TF: variants seen among roughly 807,000 people sequenced by gnomAD.
The protein encoded by TF is transferrin.
TF carries 55 observed loss-of-function variants against 82.4 expected under a neutral mutation model. That is an observed-to-expected ratio of 0.67 (90% CI 0.54 to 0.84). The LOEUF is 0.84. Among genes scored for constraint, TF ranks in the 40% least tolerant of loss-of-function variants. TF has a pLI of 0.00. For synonymous variants in TF, 332 were observed against 332.6 expected, an observed-to-expected ratio of 1.00 and a Z score of 0.02; for missense variants, 737 against 868.4, an observed-to-expected ratio of 0.85 and a Z score of 1.90.
rs567384750 is a variant in TF at position 133,796,441 on chromosome 3, A to C, written c.*17821A>C. 1.3e-5 allele frequency: 2 copies of C among 152,444 alleles called. No homozygotes were observed. The highest frequency in any genetic ancestry group is 1.3e-4 in the Admixed American group (2 of 15,306). 9.4% of individuals were successfully genotyped at this position (152,444 alleles called of 1,614,324 possible). A position where few individuals can be genotyped will look rare whatever the true frequency, so the allele number is the denominator to read the frequency against. On this transcript the variant is annotated 3_prime_UTR_variant, in exon 17 of 17. Transcript: ENST00000402696. ...CATGCTCACTTCCTAGAACTAAATC[A>C]AATGGAAACACTTCAGCTATGATGG...
the TF span, among the ~76,000 whole-genome samples, chr3:133,698,370 C>T: frequency 2.6e-5 from 4 of 152,370 alleles, no homozygotes; most frequent in African/African-American, 9.6e-5. Flanking sequence ...TCTAGGACTG[C>T]TGTAGCAAAG....
chr3:133,762,118 T>C (rs903088779), intron 9 of TF: 3 of 213,882 alleles, frequency 1.4e-5, no homozygotes, highest in Non-Finnish European at 3.1e-5. Context: ...TTACAGATGA[T>C]CGATCATAAA....
the TF span, among the ~76,000 whole-genome samples, chr3:133,703,100 T>C: frequency 1.3e-5 from 2 of 152,222 alleles, no homozygotes; most frequent in South Asian, 2.1e-4. Context: ...GTGTTTATAT[T>C]TGAGTTATTT....
At chr3:133,766,461 G>C in intron 12 of TF, 28 bp downstream of exon 12, 1 of 1,613,984 alleles carries the variant, frequency 6.2e-7, no homozygotes, top group Non-Finnish European at 8.5e-7. Flanking sequence ...AGGAGGGCTG[G>C]TGAGGGCCAT....
the TF span, among the ~76,000 whole-genome samples, chr3:133,734,111 G>A: frequency 6.6e-6 from 1 of 152,176 alleles, no homozygotes; most frequent in South Asian, 2.1e-4. Context: ...GTGCTGTTCA[G>A]TTGGAATTGA....
rs1316684425 is a variant in TF, at chr3:133,781,826, A to G, written c.*3206A>G. 1 of 152,236 alleles carries G rather than the reference A, an allele frequency of 6.6e-6. No homozygotes were observed. Among genetic ancestry groups the G allele is most frequent in the East Asian group, 1.9e-4 (1 of 5,206 alleles). The allele number at this position is 152,236 out of a possible 1,614,324, so 9.4% of individuals were successfully genotyped here. On this transcript the variant is annotated 3_prime_UTR_variant, in exon 17 of 17. Transcript: ENST00000402696. ...AAATAAATGGGACTACATCAAGCTGAAAAGCTTCTGCATAGCAAAGACAAC... is the reference window on the plus strand; with the variant it reads ...AAATAAATGGGACTACATCAAGCTGGAAAGCTTCTGCATAGCAAAGACAAC...
At position 133,759,330 on chromosome 3, in the gene TF, G is replaced by A. The variant is rs111987720; in HGVS notation, c.1203+1G>A. ...CGAAGACTGCATCGCCAAGATCATG[G>A]TATGTCACTCCAGCCTTCCTAGGGC... On this transcript the variant is annotated splice_donor_variant, in intron 9 of 16. Transcript: ENST00000402696. LOFTEE classifies it high-confidence loss of function. 1 of 1,613,508 alleles carries A rather than the reference G, an allele frequency of 6.2e-7. No homozygotes were observed. Among genetic ancestry groups the A allele is most frequent in the Non-Finnish European group, 8.5e-7 (1 of 1,180,018 alleles).
At chr3:133,777,887 T>C (rs1229476033) in intron 16 of TF, 1 of 156,692 alleles carries the variant, frequency 6.4e-6, no homozygotes, top group African/African-American at 2.4e-5. Flanking sequence ...TGTAACTGAG[T>C]CACCTGAAAA....
rs537112106 is a variant in TF, at chr3:133,768,193, A to G, written c.1622+29A>G. 2.5e-6 allele frequency: 4 copies of G among 1,613,680 alleles called. No individual in the cohort carries two copies. The African/African-American group carries it at 5.3e-5, about 22-fold the overall frequency. The stretch of plus-strand genomic sequence containing the variant: ...AGTCTTTTAACCCTGAAACAAATAG[A>G]ATAATATACAAGCCCTGGCCAGATT... On this transcript the variant is annotated intron_variant, in intron 13 of 16. Coordinates refer to ENST00000402696, the MANE Select transcript of TF (RefSeq NM_001063.4).
the TF span, among the ~76,000 whole-genome samples, chr3:133,668,674 A>T: frequency 1.3e-5 from 2 of 152,178 alleles, no homozygotes; most frequent in Non-Finnish European, 2.9e-5. Context: ...CCTCACCCTT[A>T]GCACTCATGC....
intron 9 of TF, among the ~76,000 whole-genome samples, chr3:133,763,659 T>C (rs1934050529): frequency 6.6e-6 from 1 of 152,230 alleles, no homozygotes; most frequent in Non-Finnish European, 1.5e-5. Flanking sequence ...TCTCTGAAAT[T>C]TGGGGCTTAC....
chr3:133,753,931 C>A, intron 3 of TF: 1 of 615,208 alleles, frequency 1.6e-6, no homozygotes, highest in South Asian at 1.9e-5. Context: ...GGGCCAGGGG[C>A]ATATGCTTAT....
chr3:133,682,210 C>G, the TF span, among the ~76,000 whole-genome samples: 1 of 152,186 alleles, frequency 6.6e-6, no homozygotes, highest in Admixed American at 6.5e-5. Context: ...ACGTCACCAT[C>G]ATCAAAGACC....
the TF span, among the ~76,000 whole-genome samples, chr3:133,698,064 G>A: frequency 6.6e-6 from 1 of 152,176 alleles, no homozygotes; most frequent in African/African-American, 2.4e-5. Context: ...TCCTTCATAG[G>A]GTATAACCAG....
Position 133,757,927 on chromosome 3 carries a change from G to A in TF, c.1029G>A (p.Arg343=), listed in dbSNP as rs762383370. The change falls in exon 8 of 17, where the codon CGG becomes CGA. Residue 343 remains arginine (R), a synonymous_variant. Coordinates refer to ENST00000402696, the MANE Select transcript of TF (RefSeq NM_001063.4). The part of the protein sequence containing the change: ...YLGYEYVTAI[R]NLREGTCPEA... The stretch of plus-strand genomic sequence containing the variant: ...GCTATGAGTATGTCACTGCCATCCG[G>A]AATCTACGGGAAGGCACATGTGAGT... 9 of 1,614,064 alleles carry A rather than the reference G, an allele frequency of 5.6e-6. No homozygotes were observed. The highest frequency in any genetic ancestry group is 3.3e-5 in the Admixed American group (2 of 60,002).
Position 133,795,770 on chromosome 3 carries a change from G to T in TF, c.*17150G>T, listed in dbSNP as rs1934953401. ...TTTTTGTATTTTTAGTGGAGACGGG[G>T]TTTCACCATGTTAGCCAGGATGGTC... On this transcript the variant is annotated 3_prime_UTR_variant, in exon 17 of 17. Coordinates refer to ENST00000402696, the MANE Select transcript of TF (RefSeq NM_001063.4). 1 of 151,908 alleles carries T rather than the reference G, an allele frequency of 6.6e-6. No homozygotes were observed. The highest frequency in any genetic ancestry group is 1.5e-5 in the Non-Finnish European group (1 of 68,074). 9.4% of individuals were successfully genotyped at this position (151,908 alleles called of 1,614,324 possible).
intron 8 of TF, among the ~76,000 whole-genome samples, chr3:133,758,690 T>G (rs929103308): frequency 1.1e-4 from 16 of 152,190 alleles, no homozygotes; most frequent in African/African-American, 3.9e-4. Context: ...TTGAGCTCAG[T>G]CTGAAAGATG....
the TF span, among the ~76,000 whole-genome samples, chr3:133,667,136 A>C: frequency 1.3e-5 from 2 of 152,276 alleles, no homozygotes; most frequent in Middle Eastern, 6.8e-3. Flanking sequence ...TGAGGCCAAG[A>C]ATTCAAGACC....
intron 2 of TF, among the ~76,000 whole-genome samples, chr3:133,752,065 A>G (rs9880615): frequency 0.089 from 13,566 of 151,918 alleles, 760 homozygotes; most frequent in Non-Finnish European, 0.12. Flanking sequence ...GTAACACAAC[A>G]AAGTTCATGG....
Sources: gnomAD v4.1 joint callset for allele counts (sites outside exome capture counted in the v4.1 genomes callset) on GRCh38, gnomAD v4.1.1 for gene constraint, MANE v1.5 for transcripts, NCBI Gene and HGNC (gene_info 2026-07-23, HGNC 2026-07-21) for gene names.